The following CD81 variants were observed in gnomAD, a reference collection of about 807,000 sequenced individuals.
CD81 encodes CD81 antigen.
In CD81, 10 loss-of-function variants were observed where a neutral mutation model predicts 30.1. That is an observed-to-expected ratio of 0.33 (90% confidence interval 0.21 to 0.56). The LOEUF is 0.56. Ranked by LOEUF, CD81 falls within the 20% of genes least tolerant of loss-of-function variation. The probability of loss-of-function intolerance (pLI) is 0.89; values close to 1 mark genes in which losing one functional copy is unlikely to be tolerated. For synonymous variants in CD81, 147 were observed against 126.4 expected (o/e 1.16, Z -1.10); for missense variants, 263 against 308.7 (o/e 0.85, Z 1.11).
chr11:2,396,759 C>A (rs1589855030), intron 7 of CD81, 45 bp downstream of exon 7: 2 of 1,611,712 alleles, frequency 1.2e-6, no homozygotes, highest in East Asian at 4.5e-5. Context: ...GCTGCCCCTT[C>A]CGCGGGGCCT....
chr11:2,395,414 A>C lies in CD81; in HGVS notation c.355-2A>C. ...GTGCATGTGACCGCACCCCTCCCCC[A>C]GATCGCCAAGGATGTGAAGCAGTTC... is the stretch of plus-strand genomic sequence containing the variant. On this transcript the variant is annotated splice_acceptor_variant, in intron 4 of 7. Transcript: ENST00000263645. LOFTEE classifies it high-confidence loss of function. 1 of 1,611,360 alleles carries C rather than the reference A, an allele frequency of 6.2e-7. No homozygotes were observed. The highest frequency in any genetic ancestry group is 8.5e-7 in the Non-Finnish European group (1 of 1,178,678).
At chr11:2,379,019 T>G (rs1408100631) in intron 1 of CD81, 1 of 397,078 alleles carries the variant, frequency 2.5e-6, no homozygotes, top group Non-Finnish European at 5.2e-6. Flanking sequence ...TGGGAGTCAC[T>G]GTGGCCTTCG....
intron 1 of CD81, among the ~76,000 whole-genome samples, chr11:2,383,002 CT>C (rs1047209392): frequency 2.0e-5 from 3 of 152,198 alleles, no homozygotes; most frequent in Non-Finnish European, 4.4e-5. Flanking sequence ...CCCACCACCC[CT>C]GATGCCTGGG....
chr11:2,394,229 A>C, intron 3 of CD81, 37 bp downstream of exon 3: 1 of 1,442,164 alleles, frequency 6.9e-7, no homozygotes, highest in Non-Finnish European at 9.7e-7. Flanking sequence ...TGGGCCGGGG[A>C]GGGGCTGGGG....
In CD81 at chr11:2,383,508, C is replaced by T. The variant is rs1341702582; in HGVS notation, c.66+5893C>T. Among the ~76,000 whole-genome samples the T allele has an allele frequency of 2.0e-5, 3 of 152,172 alleles. No homozygotes were observed. In the East Asian group the frequency reaches 5.8e-4, roughly 29 times the overall value. ...CCTTCACCCAGTATCTCCAGGGGTA[C>T]TTCCTCCTTTCCTTCCTGCCTCAGG... is the stretch of plus-strand genomic sequence containing the variant. On this transcript the variant is annotated intron_variant, in intron 1 of 7. Transcript: ENST00000263645.
At chr11:2,390,833 G>A (rs1849885052) in intron 2 of CD81, among the ~76,000 whole-genome samples, 1 of 152,064 alleles carries the variant, frequency 6.6e-6, no homozygotes, top group African/African-American at 2.4e-5. Context: ...GGGTGGGGCT[G>A]GATGCCTGGG....
chr11:2,395,184 C>G, intron 4 of CD81, 138 bp downstream of exon 4: 1 of 786,968 alleles, frequency 1.3e-6, no homozygotes, highest in South Asian at 1.5e-5. Flanking sequence ...CCAGGAGGAT[C>G]TCCAGGGGCT....
At chr11:2,394,922 C>T (rs756692384) in intron 3 of CD81, 50 bp from the exon 4 acceptor site, 2 of 1,550,122 alleles carry the variant, frequency 1.3e-6, no homozygotes, top group South Asian at 2.2e-5. Context: ...TCCTTGGGCC[C>T]CGCCTACAGC....
chr11:2,384,264 C>A (rs1003229929), intron 1 of CD81, among the ~76,000 whole-genome samples: 4 of 151,256 alleles, frequency 2.6e-5, no homozygotes, highest in Non-Finnish European at 4.4e-5. Context: ...CCCCAATCCC[C>A]AGCAGAGCAT....
At chr11:2,386,171 C>T (rs1849795270) in intron 1 of CD81, 2 of 717,378 alleles carry the variant, frequency 2.8e-6, no homozygotes. Context: ...AGCATCTCTT[C>T]ATGTGCTTTT....
Position 2,377,709 on chromosome 11 carries a change from A to G in CD81, c.66+94A>G. 1.3e-6 allele frequency: 1 copy of G among 764,402 alleles called. No homozygotes were observed. The highest frequency in any genetic ancestry group is 4.8e-5 in the East Asian group (1 of 20,890). 47.4% of individuals were successfully genotyped at this position (764,402 alleles called of 1,614,324 possible). A position where few individuals can be genotyped will look rare whatever the true frequency, so the allele number is the denominator to read the frequency against. On this transcript the variant is annotated intron_variant, in intron 1 of 7. Coordinates refer to ENST00000263645, the MANE Select transcript of CD81 (RefSeq NM_004356.4). The surrounding 1 kb of genome is among the most constrained non-coding windows in gnomAD (Gnocchi z 7.7). ...GCAGCGTGCTAGGCCCCGCGGGCGC[A>G]GCGCGGGCCGCGAAGTTGTGGGGCC...
chr11:2,379,703 G>T (rs772256007), intron 1 of CD81, among the ~76,000 whole-genome samples: 62 of 152,140 alleles, frequency 4.1e-4, no homozygotes, highest in Non-Finnish European at 7.7e-4. Context: ...CACATCCCAA[G>T]GGTGCTTGTT....
chr11:2,381,017 C>G (rs879926756), intron 1 of CD81, among the ~76,000 whole-genome samples: 1 of 152,224 alleles, frequency 6.6e-6, no homozygotes, highest in African/African-American at 2.4e-5. Context: ...GCACGTCTTT[C>G]GCCGTCCTTC....
chr11:2,395,154 C>A, intron 4 of CD81, 108 bp downstream of exon 4: 2 of 948,772 alleles, frequency 2.1e-6, no homozygotes, highest in Non-Finnish European at 3.4e-6. Context: ...GCTCTTTGGG[C>A]TCTTCCTGGG....
chr11:2,380,202 CG>C (rs1195597188), intron 1 of CD81, among the ~76,000 whole-genome samples: 9 of 152,056 alleles, frequency 5.9e-5, no homozygotes, highest in Non-Finnish European at 1.3e-4. Flanking sequence ...GAAGGGGCTG[CG>C]GGAACCCTGC....
chr11:2,382,843 C>A (rs980180026), intron 1 of CD81, among the ~76,000 whole-genome samples: 14 of 152,214 alleles, frequency 9.2e-5, no homozygotes, highest in Non-Finnish European at 2.9e-5. Context: ...CAGTCCTGAT[C>A]CTGGAGCTCC....
chr11:2,393,633 G>T, intron 2 of CD81: 2 of 540,240 alleles, frequency 3.7e-6, no homozygotes, highest in South Asian at 4.7e-5. Flanking sequence ...TCCGGTTCCT[G>T]GGCTGCCCTC....
intron 2 of CD81, chr11:2,393,865 C>A: frequency 1.5e-6 from 1 of 686,200 alleles, no homozygotes; most frequent in South Asian, 1.5e-5. Flanking sequence ...GCCCAGTCCC[C>A]ATGTGGCCTC....
At chr11:2,391,643 G>C (rs575903574) in intron 2 of CD81, 1 of 152,090 alleles carries the variant, frequency 6.6e-6, no homozygotes, top group Non-Finnish European at 1.5e-5. Flanking sequence ...GGGCCCAGCC[G>C]ATCCTAGGGA....
Sources: gnomAD v4.1 joint callset for allele counts (sites outside exome capture counted in the v4.1 genomes callset) on GRCh38, gnomAD v4.1.1 for gene constraint, Gnocchi (gnomAD v3.1) non-coding constraint, MANE v1.5 for transcripts, NCBI Gene and HGNC (gene_info 2026-07-23, HGNC 2026-07-21) for gene names.